NCAM2: variants seen among roughly 807,000 people sequenced by gnomAD.
NCAM2 encodes the protein N-CAM-2.
In NCAM2, 30 loss-of-function variants were observed where a neutral mutation model predicts 98.1. The observed-to-expected ratio is 0.31, with a 90% confidence interval of 0.23 to 0.41. The LOEUF (loss-of-function observed/expected upper bound fraction) is 0.41. NCAM2 is among the 10% of genes least tolerant of loss of function. The pLI, the probability that NCAM2 is intolerant of heterozygous loss-of-function variation, is 1.00. For missense variants in NCAM2, 867 were observed against 1,005.8 expected (o/e 0.86, Z 1.87); for synonymous variants, 368 against 342.4 (o/e 1.07, Z -0.83).
At chr21:21,256,408 A>G (rs2071675417) in intron 1 of NCAM2, among the ~76,000 whole-genome samples, 1 of 152,216 alleles carries the variant, frequency 6.6e-6, no homozygotes, top group Non-Finnish European at 1.5e-5. Context: ...CTAGCCTAGT[A>G]TAGACACTAC....
intron 11 of NCAM2, among the ~76,000 whole-genome samples, chr21:21,420,020 CTGT>C (rs939051882): frequency 2.6e-5 from 4 of 152,016 alleles, no homozygotes; most frequent in Admixed American, 1.3e-4. Flanking sequence ...TCTCCAGCAC[CTGT>C]TGTTTCCTGA....
intron 1 of NCAM2, among the ~76,000 whole-genome samples, chr21:21,068,326 G>A (rs1186639029): frequency 6.6e-6 from 1 of 151,472 alleles, no homozygotes; most frequent in East Asian, 1.9e-4. Flanking sequence ...TACAGACTGG[G>A]CTTCACCATG....
At chr21:21,254,157 G>A (rs1475239306) in intron 1 of NCAM2, among the ~76,000 whole-genome samples, 3 of 152,098 alleles carry the variant, frequency 2.0e-5, no homozygotes, top group East Asian at 3.9e-4. Flanking sequence ...TTATATTTTT[G>A]TCTCAGCTTA....
intron 9 of NCAM2, among the ~76,000 whole-genome samples, chr21:21,378,047 G>A (rs1161036864): frequency 6.6e-6 from 1 of 151,984 alleles, no homozygotes; most frequent in Non-Finnish European, 1.5e-5. Flanking sequence ...GTATTCCACT[G>A]TGTATCTATA....
At chr21:21,508,181 A>G (rs769414668) in intron 15 of NCAM2, among the ~76,000 whole-genome samples, 92 of 152,278 alleles carry the variant, frequency 6.0e-4, no homozygotes, top group Non-Finnish European at 5.0e-4. Context: ...CATGGTAGAA[A>G]CTAACAAAAG....
At chr21:21,318,893 T>G (rs1460437809) in intron 5 of NCAM2, among the ~76,000 whole-genome samples, 1 of 152,114 alleles carries the variant, frequency 6.6e-6, no homozygotes, top group Admixed American at 6.5e-5. Flanking sequence ...TAATGTCAGC[T>G]TGATAAAAGA....
chr21:21,246,919 A>G (rs1385904251), intron 1 of NCAM2, among the ~76,000 whole-genome samples: 1 of 152,208 alleles, frequency 6.6e-6, no homozygotes, highest in African/African-American at 2.4e-5. Flanking sequence ...CTAGCATGTG[A>G]ATTATTGAAC....
At chr21:21,327,531 T>C (rs532716285) in intron 6 of NCAM2, among the ~76,000 whole-genome samples, 4 of 152,218 alleles carry the variant, frequency 2.6e-5, no homozygotes, top group South Asian at 4.1e-4. Context: ...GAGTATAATT[T>C]ATAGAAACCG....
chr21:21,323,932 T>C (rs935437266), intron 5 of NCAM2, among the ~76,000 whole-genome samples: 1 of 152,168 alleles, frequency 6.6e-6, no homozygotes. Flanking sequence ...AGAAGCCAAA[T>C]AGGAAATCCA....
intron 1 of NCAM2, among the ~76,000 whole-genome samples, chr21:21,003,727 G>C (rs958347002): frequency 6.6e-6 from 1 of 152,118 alleles, no homozygotes; most frequent in East Asian, 1.9e-4. Flanking sequence ...AGGGGACAGA[G>C]ATTACTTAAG....
chr21:21,366,952 A>G (rs2075800728), intron 8 of NCAM2, among the ~76,000 whole-genome samples: 1 of 152,046 alleles, frequency 6.6e-6, no homozygotes, highest in Non-Finnish European at 1.5e-5. Context: ...ACCTTGAAAC[A>G]ATGCAGTCAA....
At chr21:21,044,767 A>G (rs995150771) in intron 1 of NCAM2, among the ~76,000 whole-genome samples, 1 of 151,370 alleles carries the variant, frequency 6.6e-6, no homozygotes, top group African/African-American at 2.4e-5. Flanking sequence ...GGAGCTTGAG[A>G]CCAGCCTGGG....
At chr21:21,289,661 A>T (rs1007850262) in intron 4 of NCAM2, among the ~76,000 whole-genome samples, 4 of 151,930 alleles carry the variant, frequency 2.6e-5, no homozygotes, top group African/African-American at 9.7e-5. Context: ...CAAATGAGTA[A>T]ATCTAACTAG....
intron 8 of NCAM2, among the ~76,000 whole-genome samples, chr21:21,367,339 T>G (rs2075812782): frequency 6.6e-6 from 1 of 152,012 alleles, no homozygotes; most frequent in Non-Finnish European, 1.5e-5. Flanking sequence ...ATCCTGATAA[T>G]GTACCTTGAC....
In NCAM2 at chr21:21,432,611, T is replaced by C. The variant is rs536682763; in HGVS notation, c.1654+330T>C. On this transcript the variant is annotated intron_variant, in intron 12 of 17. Coordinates refer to ENST00000400546, the MANE Select transcript of NCAM2 (RefSeq NM_004540.5). ...TTATGAAATGTATGCTCATGTTTCA[T>C]TTATTAATATTTCTCTCAAGAATAG... 2.6e-5 allele frequency among the ~76,000 whole-genome samples: 4 copies of C among 151,616 alleles called. No individual in the cohort carries two copies. The East Asian group carries it at 7.8e-4, about 29-fold the overall frequency.
Position 21,509,010 on chromosome 21 carries a change from C to A in NCAM2, c.2237C>A (p.Ser746Tyr). ...AGAATGTGTGGAAAGAAAAGTGGCT[C>A]CAGTGGCAAAAGTAAAGAACTCGAA... Reference protein sequence around the residue: ...TRRMCGKKSGSSGKSKELEEG... With the variant: ...TRRMCGKKSGYSGKSKELEEG... Residue 746 changes from serine (S) to tyrosine (Y), a missense_variant, in exon 16 of 18, where the codon TCC (serine) becomes TAC (tyrosine). Transcript: ENST00000400546. The A allele has an allele frequency of 6.2e-7, 1 of 1,612,958 alleles. No individual in the cohort carries two copies. The highest frequency in any genetic ancestry group is 8.5e-7 in the Non-Finnish European group (1 of 1,179,660).
chr21:21,078,376 A>G (rs978235732), intron 1 of NCAM2, among the ~76,000 whole-genome samples: 4 of 152,224 alleles, frequency 2.6e-5, no homozygotes, highest in East Asian at 1.9e-4. Flanking sequence ...ATATTCACAA[A>G]CACCTCTTTA....
intron 1 of NCAM2, among the ~76,000 whole-genome samples, chr21:21,208,697 A>T (rs946755710): frequency 3.9e-5 from 6 of 152,140 alleles, no homozygotes; most frequent in Non-Finnish European, 8.8e-5. Context: ...AGAAAAAAAA[A>T]ATCTTTGACA....
At chr21:21,391,856 A>G (rs888568948) in intron 9 of NCAM2, among the ~76,000 whole-genome samples, 2 of 152,126 alleles carry the variant, frequency 1.3e-5, no homozygotes, top group African/African-American at 4.8e-5. Context: ...ATGATCTTTG[A>G]TGTTTCTTGG....
Sources: allele counts gnomAD v4.1 joint callset (sites outside exome capture counted in the v4.1 genomes callset), GRCh38; gene constraint gnomAD v4.1.1; transcripts MANE v1.5; gene names NCBI Gene and HGNC (gene_info 2026-07-23, HGNC 2026-07-21).